Variants in INSR observed in about 807,000 individuals in gnomAD.
The protein encoded by INSR is insulin receptor.
INSR carries 67 observed loss-of-function variants against 142.6 expected under a neutral mutation model. The observed-to-expected ratio is 0.47, with a 90% CI of 0.39 to 0.58. The LOEUF is 0.58. INSR is among the 20% of genes least tolerant of loss of function. INSR has a pLI of 0.00. For missense variants in INSR, 1,248 were observed against 1,833.2 expected, an observed-to-expected ratio of 0.68 and a Z score of 5.83; for synonymous variants, 756 against 743.1, an observed-to-expected ratio of 1.02 and a Z score of -0.28.
At chr19:7,280,864 C>T (rs1968188118) in intron 1 of INSR, among the ~76,000 whole-genome samples, 1 of 152,112 alleles carries the variant, frequency 6.6e-6, no homozygotes, top group Non-Finnish European at 1.5e-5. Flanking sequence ...CTGCACTGCA[C>T]TCCAGCCTGG....
At position 7,132,213 on chromosome 19, in the gene INSR, G is replaced by A. The variant is rs768825982; in HGVS notation, c.2787C>T (p.Ser929=). The change falls in exon 14 of 22, where the codon TCC becomes TCT. Residue 929 remains serine (S), a synonymous_variant. Coordinates refer to ENST00000302850, the MANE Select transcript of INSR (RefSeq NM_000208.4). ...CCGTCCAAGAGCCGTTGCCCGCAAG[G>A]GAGGTGGCCCGGATTCGCACGCTGT... The part of the protein sequence containing the change: ...GNYSVRIRAT[S]LAGNGSWTEP... 6.2e-7 allele frequency: 1 copy of A among 1,614,232 alleles called. No homozygotes were observed. Among genetic ancestry groups the A allele is most frequent in the Non-Finnish European group, 8.5e-7 (1 of 1,180,038 alleles).
chr19:7,293,880 C>G lies in INSR; in HGVS notation c.12G>C (p.Gly4=). The stretch of plus-strand genomic sequence containing the variant: ...GCGCGGCCGCCGCCCCCCGCCGGCC[C>G]CCGGTGGCCATGGCTGCGGGAGCGC... MAT[G]GRRGAAAAPL... Residue 4 remains glycine, a synonymous_variant, in exon 1 of 22, where the codon GGG becomes GGC. Transcript: ENST00000302850. 2 of 1,236,704 alleles carry G rather than the reference C, an allele frequency of 1.6e-6. No individual in the cohort carries two copies. The highest frequency in any genetic ancestry group is 2.0e-6 in the Non-Finnish European group (2 of 996,110). 76.6% of individuals were successfully genotyped at this position (1,236,704 alleles called of 1,614,324 possible).
At chr19:7,122,156 A>G (rs1292575102) in intron 19 of INSR, among the ~76,000 whole-genome samples, 1 of 150,766 alleles carries the variant, frequency 6.6e-6, no homozygotes, top group East Asian at 2.0e-4. Flanking sequence ...AAAAGAAAAA[A>G]AAAAAAAGCC....
At chr19:7,137,443 A>C (rs561986579) in intron 13 of INSR, among the ~76,000 whole-genome samples, 171 of 152,034 alleles carry the variant, frequency 1.1e-3, no homozygotes, top group African/African-American at 4.1e-3. Flanking sequence ...CACTACAACC[A>C]CCGGTGGACA....
chr19:7,119,661 C>A lies in INSR; in HGVS notation c.3660-78G>T. ...ACACGCGCGCGCGCAAACACACACA[C>A]GCAAACGCACACACACACGCAAACA... On this transcript the variant is annotated intron_variant, in intron 20 of 21. Coordinates refer to ENST00000302850, the MANE Select transcript of INSR (RefSeq NM_000208.4). The surrounding 1 kb of genome is among the most constrained non-coding windows in gnomAD (Gnocchi z 5.2). 1 of 1,506,170 alleles carries A rather than the reference C, an allele frequency of 6.6e-7. No individual in the cohort carries two copies. Among genetic ancestry groups the A allele is most frequent in the Non-Finnish European group, 9.1e-7 (1 of 1,093,816 alleles). The allele number at this position is 1,506,170 out of a possible 1,614,324, so 93.3% of individuals were successfully genotyped here. A position where few individuals can be genotyped will look rare whatever the true frequency, so the allele number is the denominator to read the frequency against.
chr19:7,175,281 A>C (rs1250862765), intron 3 of INSR, among the ~76,000 whole-genome samples: 1 of 152,128 alleles, frequency 6.6e-6, no homozygotes, highest in African/African-American at 2.4e-5. Context: ...TGAGAGGCCA[A>C]GGAGGGAGGG....
chr19:7,274,566 C>G (rs949974216), intron 1 of INSR, among the ~76,000 whole-genome samples: 25 of 151,838 alleles, frequency 1.6e-4, no homozygotes, highest in African/African-American at 5.8e-4. Flanking sequence ...TTTGGGAGGC[C>G]GAGTCGGGTG....
chr19:7,170,783 A>G, intron 5 of INSR, 32 bp from the exon 6 acceptor site: 1 of 1,537,078 alleles, frequency 6.5e-7, no homozygotes, highest in African/African-American at 1.4e-5. Flanking sequence ...CTAGTCATTC[A>G]ACGGCTGGTC....
intron 2 of INSR, among the ~76,000 whole-genome samples, chr19:7,258,089 G>A (rs1225218282): frequency 2.0e-5 from 3 of 152,122 alleles, no homozygotes; most frequent in African/African-American, 7.2e-5. Context: ...GCCTCCCAAG[G>A]TGCTGGGATT....
At chr19:7,229,089 G>A (rs1813257983) in intron 2 of INSR, among the ~76,000 whole-genome samples, 1 of 151,612 alleles carries the variant, frequency 6.6e-6, no homozygotes, top group South Asian at 2.1e-4. Context: ...ATGGATGGAT[G>A]GGTGATTGGA....
chr19:7,293,923 G>T lies in INSR; in HGVS notation c.-32C>A. 1 of 1,182,058 alleles carries T rather than the reference G, an allele frequency of 8.5e-7. No homozygotes were observed. The highest frequency in any genetic ancestry group is 4.1e-5 in the South Asian group (1 of 24,562). 73.2% of individuals were successfully genotyped at this position (1,182,058 alleles called of 1,614,324 possible). On this transcript the variant is annotated 5_prime_UTR_variant, in exon 1 of 22. It adds an upstream start codon to the 5' untranslated region. Transcript: ENST00000302850. ...GGGAGCGCGGGGTCTCCTCGGATCA[G>T]AGCGCGCGGCGCTGGCCCGCGGGGG... is the stretch of plus-strand genomic sequence containing the variant.
intron 2 of INSR, among the ~76,000 whole-genome samples, chr19:7,252,501 T>C (rs968496760): frequency 6.6e-6 from 1 of 152,136 alleles, no homozygotes; most frequent in African/African-American, 2.4e-5. Flanking sequence ...AGGAAACTCT[T>C]AACATCATCA....
Position 7,142,801 on chromosome 19 carries a change from G to A in INSR, c.2542+15C>T, listed in dbSNP as rs764457061. On this transcript the variant is annotated intron_variant, in intron 12 of 21. Transcript: ENST00000302850. The stretch of plus-strand genomic sequence containing the variant: ...TCCCACCCATGACACTCGGACCCCG[G>A]AGCAGCAGCCCTACCTTCAGGCATG... 6.2e-7 allele frequency: 1 copy of A among 1,613,572 alleles called. No homozygotes were observed. Among genetic ancestry groups the A allele is most frequent in the Non-Finnish European group, 8.5e-7 (1 of 1,180,002 alleles).
chr19:7,235,971 C>CTTT (rs34478636), intron 2 of INSR, among the ~76,000 whole-genome samples: 7,378 of 129,776 alleles, frequency 0.057, 721 homozygotes, highest in African/African-American at 0.19. Context: ...CTGGCCTTTC[C>CTTT]TTTTTTTTTT....
At chr19:7,238,950 C>A (rs2145145680) in intron 2 of INSR, among the ~76,000 whole-genome samples, 2 of 75,202 alleles carry the variant, frequency 2.7e-5, no homozygotes. Context: ...TGTCCATCAA[C>A]AGATGAATTC....
chr19:7,162,024 A>C (rs1284486227), intron 9 of INSR, among the ~76,000 whole-genome samples: 1 of 151,960 alleles, frequency 6.6e-6, no homozygotes, highest in East Asian at 1.9e-4. Context: ...CTCTACAAAA[A>C]GAAGTTTAAA....
chr19:7,130,038 CA>C (rs34622759), intron 14 of INSR, among the ~76,000 whole-genome samples: 1 of 151,848 alleles, frequency 6.6e-6, no homozygotes, highest in Non-Finnish European at 1.5e-5. Context: ...CTCATCTAGC[CA>C]AAAAACTCTA....
At chr19:7,123,026 C>T in intron 17 of INSR, 37 bp from the exon 18 acceptor site, 1 of 1,474,338 alleles carries the variant, frequency 6.8e-7, no homozygotes, top group Non-Finnish European at 9.3e-7. Context: ...GGAGGAGGGT[C>T]CGTGATTCGA....
intron 2 of INSR, among the ~76,000 whole-genome samples, chr19:7,230,286 T>G (rs1239569800): frequency 6.6e-6 from 1 of 152,146 alleles, no homozygotes; most frequent in Non-Finnish European, 1.5e-5. Context: ...GAGAGAAAGA[T>G]TCCCAGCTCT....
Sources: allele counts gnomAD v4.1 joint callset (sites outside exome capture counted in the v4.1 genomes callset), GRCh38; gene constraint gnomAD v4.1.1; non-coding constraint Gnocchi (gnomAD v3.1); transcripts MANE v1.5; gene names NCBI Gene and HGNC (gene_info 2026-07-23, HGNC 2026-07-21).